The following GPC6 variants were observed in gnomAD, a reference collection of about 807,000 sequenced individuals.
The protein encoded by GPC6 is glypican-6.
In GPC6, 14 loss-of-function variants were observed where a neutral mutation model predicts 55.2. The ratio of observed to expected loss-of-function variants is 0.25; its 90% CI spans 0.17 to 0.40. The LOEUF (loss-of-function observed/expected upper bound fraction) is 0.40, where lower values mean the gene tolerates loss of function less well. Among genes scored for constraint, GPC6 ranks in the 10% least tolerant of loss-of-function variants. The probability of loss-of-function intolerance (pLI) is 1.00; values close to 1 mark genes in which losing one functional copy is unlikely to be tolerated. For missense variants in GPC6, 641 were observed against 708.5 expected (o/e 0.90, Z 1.08); for synonymous variants, 278 against 259.6 (o/e 1.07, Z -0.68).
At chr13:93,511,250 G>T (rs7316980) in intron 1 of GPC6, among the ~76,000 whole-genome samples, 1 of 151,054 alleles carries the variant, frequency 6.6e-6, no homozygotes, top group East Asian at 2.0e-4. Context: ...GGTCTTAGTC[G>T]TAAGTTCTTT....
chr13:93,595,131 G>A (rs1318427684), intron 2 of GPC6, among the ~76,000 whole-genome samples: 1 of 152,060 alleles, frequency 6.6e-6, no homozygotes, highest in Non-Finnish European at 1.5e-5. Flanking sequence ...GAGAAAGACA[G>A]GGAATCTTTT....
intron 3 of GPC6, among the ~76,000 whole-genome samples, chr13:93,927,885 A>C (rs964765680): frequency 6.6e-6 from 1 of 152,166 alleles, no homozygotes; most frequent in Non-Finnish European, 1.5e-5. Context: ...CTTATTACTC[A>C]AATTTATAAT....
intron 4 of GPC6, among the ~76,000 whole-genome samples, chr13:94,122,606 A>T (rs1008592941): frequency 6.6e-6 from 1 of 152,040 alleles, no homozygotes; most frequent in Non-Finnish European, 1.5e-5. Flanking sequence ...ATGAAACCAC[A>T]CTGCAGGATT....
intron 1 of GPC6, among the ~76,000 whole-genome samples, chr13:93,436,583 G>A (rs973378200): frequency 6.6e-6 from 1 of 152,016 alleles, no homozygotes; most frequent in Non-Finnish European, 1.5e-5. Flanking sequence ...TCACACTTCT[G>A]CTTGCCCATT....
chr13:93,391,428 G>C (rs562999168), intron 1 of GPC6, among the ~76,000 whole-genome samples: 29 of 152,158 alleles, frequency 1.9e-4, no homozygotes, highest in African/African-American at 6.5e-4. Flanking sequence ...TTGGTCACTG[G>C]AGAAAGGCCA....
At chr13:93,709,355 G>T (rs16949127) in intron 2 of GPC6, among the ~76,000 whole-genome samples, 2 of 151,620 alleles carry the variant, frequency 1.3e-5, no homozygotes, top group Non-Finnish European at 2.9e-5. Flanking sequence ...CATTCCTTCC[G>T]TATAGAGATT....
At chr13:93,735,534 A>AG (rs1491338754) in intron 2 of GPC6, among the ~76,000 whole-genome samples, 1 of 146,168 alleles carries the variant, frequency 6.8e-6, no homozygotes, top group Non-Finnish European at 1.5e-5. Flanking sequence ...AAAAAAAAAA[A>AG]GAAGAAGAAG....
intron 4 of GPC6, among the ~76,000 whole-genome samples, chr13:94,098,409 T>TGTAAGCAA (rs1885739507): frequency 6.6e-6 from 1 of 152,226 alleles, no homozygotes; most frequent in Non-Finnish European, 1.5e-5. Context: ...GCAATGTAAA[T>TGTAAGCAA]TGCTAGGTAC....
At chr13:94,156,850 C>T (rs1021162391) in intron 4 of GPC6, among the ~76,000 whole-genome samples, 2 of 152,094 alleles carry the variant, frequency 1.3e-5, no homozygotes, top group Non-Finnish European at 2.9e-5. Flanking sequence ...ATATTGATAG[C>T]CATGGTTCTA....
chr13:93,601,480 A>G (rs1878013894), intron 2 of GPC6, among the ~76,000 whole-genome samples: 1 of 152,208 alleles, frequency 6.6e-6, no homozygotes, highest in South Asian at 2.1e-4. Context: ...TTAATCCATC[A>G]GTTAATGGAT....
intron 2 of GPC6, among the ~76,000 whole-genome samples, chr13:93,767,518 CT>C (rs1885160937): frequency 6.6e-6 from 1 of 152,104 alleles, no homozygotes; most frequent in African/African-American, 2.4e-5. Flanking sequence ...ACAAAATGAA[CT>C]GGAATGTAGA....
At chr13:94,371,537 A>C (rs145976935) in intron 6 of GPC6, among the ~76,000 whole-genome samples, 16 of 152,242 alleles carry the variant, frequency 1.1e-4, no homozygotes, top group African/African-American at 3.6e-4. Context: ...TGTAATGATA[A>C]TATTTTAGCA....
At chr13:94,042,213 T>C (rs1883565826) in intron 4 of GPC6, among the ~76,000 whole-genome samples, 1 of 151,738 alleles carries the variant, frequency 6.6e-6, no homozygotes. Flanking sequence ...TGCTTTCCCT[T>C]TGCCTTCCAC....
chr13:94,190,012 C>G (rs556705163), intron 4 of GPC6, among the ~76,000 whole-genome samples: 51 of 147,606 alleles, frequency 3.5e-4, no homozygotes, highest in African/African-American at 1.2e-3. Flanking sequence ...CAGAGCAAGA[C>G]TCTGTCTCAA....
intron 3 of GPC6, 66 bp downstream of exon 3, chr13:93,830,611 TTA>T: frequency 3.1e-6 from 2 of 649,556 alleles, no homozygotes; most frequent in Non-Finnish European, 4.3e-6. Context: ...AAACCAATGT[TTA>T]AAAAAAAAAA....
intron 3 of GPC6, among the ~76,000 whole-genome samples, chr13:93,852,526 A>G (rs1399451587): frequency 1.3e-5 from 2 of 151,756 alleles, no homozygotes; most frequent in East Asian, 3.9e-4. Flanking sequence ...CAATATGTCT[A>G]AAATAAATAC....
intron 2 of GPC6, among the ~76,000 whole-genome samples, chr13:93,820,145 ATGGT>A (rs1397062079): frequency 1.2e-4 from 19 of 152,192 alleles, no homozygotes; most frequent in Non-Finnish European, 2.1e-4. Flanking sequence ...ATGAACATTC[ATGGT>A]TGTATACTGA....
intron 3 of GPC6, among the ~76,000 whole-genome samples, chr13:94,018,688 G>A (rs1390425966): frequency 6.6e-6 from 1 of 152,138 alleles, no homozygotes; most frequent in Non-Finnish European, 1.5e-5. Flanking sequence ...TATAGCAGGG[G>A]TCCCCAACCC....
chr13:93,920,462 C>T (rs889221219), intron 3 of GPC6, among the ~76,000 whole-genome samples: 1 of 152,128 alleles, frequency 6.6e-6, no homozygotes, highest in African/African-American at 2.4e-5. Context: ...ATAGAAATGT[C>T]TACTTGAAGG....
Sources: allele counts gnomAD v4.1 joint callset (sites outside exome capture counted in the v4.1 genomes callset), GRCh38; gene constraint gnomAD v4.1.1; transcripts MANE v1.5; gene names NCBI Gene and HGNC (gene_info 2026-07-23, HGNC 2026-07-21).